The following EXOC6B variants were observed in gnomAD, a reference collection of about 807,000 sequenced individuals.
EXOC6B encodes exocyst complex component 6B.
In EXOC6B, 54 loss-of-function variants were observed where a neutral mutation model predicts 113.5. The ratio of observed to expected loss-of-function variants is 0.48; its 90% confidence interval spans 0.38 to 0.60. The LOEUF is 0.60. EXOC6B is among the 20% of genes least tolerant of loss of function. EXOC6B has a pLI of 0.00. For missense variants in EXOC6B, 797 were observed against 977.5 expected (o/e 0.82, Z 2.46); for synonymous variants, 357 against 339.0 (o/e 1.05, Z -0.58).
chr2:72,662,215 A>G (rs1675073257), intron 6 of EXOC6B, among the ~76,000 whole-genome samples: 1 of 152,200 alleles, frequency 6.6e-6, no homozygotes, highest in Non-Finnish European at 1.5e-5. Flanking sequence ...AAAATTGCTC[A>G]TAGATCCAAT....
intron 13 of EXOC6B, among the ~76,000 whole-genome samples, chr2:72,497,390 G>A (rs1314326571): frequency 6.6e-6 from 1 of 151,938 alleles, no homozygotes; most frequent in Non-Finnish European, 1.5e-5. Context: ...CTATATCAAG[G>A]ATGACTTTTT....
rs1679525426 is a variant in EXOC6B at position 72,202,073 on chromosome 2, A to C, written c.2197-17886T>G. Among the ~76,000 whole-genome samples the C allele has an allele frequency of 4.6e-5, 7 of 152,208 alleles. No homozygotes were observed. In the South Asian group the frequency reaches 1.5e-3, roughly 32 times the overall value. ...CTAATTTCTTGTGTGGCTAAGCAAT[A>C]AGGTCTTAGTCTCTGATGGCAAGGA... On this transcript the variant is annotated intron_variant, in intron 20 of 21. Coordinates refer to ENST00000272427, the MANE Select transcript of EXOC6B (RefSeq NM_015189.3).
intron 20 of EXOC6B, among the ~76,000 whole-genome samples, chr2:72,259,984 CAAGGCTGCAGTGAGCTGTG>C (rs1012623416): frequency 8.3e-4 from 126 of 152,064 alleles, no homozygotes; most frequent in African/African-American, 3.0e-3. Flanking sequence ...CCCAGAAGGT[CAAGGCTGCAGTGAGCTGTG>C]ATTGCGCCAC....
At chr2:72,207,409 A>G (rs1326908424) in intron 20 of EXOC6B, among the ~76,000 whole-genome samples, 2 of 152,220 alleles carry the variant, frequency 1.3e-5, no homozygotes, top group African/African-American at 4.8e-5. Context: ...TCTAACCTCT[A>G]TAATCCAGTC....
rs139474740 is a variant in EXOC6B at position 72,775,710 on chromosome 2, G to A, written c.114-34241C>T. On this transcript the variant is annotated intron_variant, in intron 1 of 21. Coordinates refer to ENST00000272427, the MANE Select transcript of EXOC6B (RefSeq NM_015189.3). The stretch of plus-strand genomic sequence containing the variant: ...ATTTATACAGCAATTTTGTAATGAC[G>A]GAACTTTAACAATGGAGACAGTGGT... Among the ~76,000 whole-genome samples, 27 of 152,222 alleles carry A rather than the reference G, an allele frequency of 1.8e-4. 1 individual carries two copies. Among genetic ancestry groups the A allele is most frequent in the African/African-American group, 6.0e-4 (25 of 41,554 alleles).
intron 6 of EXOC6B, among the ~76,000 whole-genome samples, chr2:72,639,023 G>C (rs1221895576): frequency 6.6e-6 from 1 of 152,190 alleles, no homozygotes; most frequent in Non-Finnish European, 1.5e-5. Flanking sequence ...CCAGGGAAGA[G>C]CTTGAGTAGG....
intron 20 of EXOC6B, among the ~76,000 whole-genome samples, chr2:72,314,388 A>T (rs1465195993): frequency 6.6e-6 from 1 of 152,210 alleles, no homozygotes; most frequent in African/African-American, 2.4e-5. Context: ...CACTGCTTGC[A>T]AACATGTTCT....
chr2:72,367,251 T>C (rs1690679651), intron 19 of EXOC6B, among the ~76,000 whole-genome samples: 1 of 152,030 alleles, frequency 6.6e-6, no homozygotes, highest in African/African-American at 2.4e-5. Context: ...AAGATGTATA[T>C]TGTAAATCCA....
At chr2:72,296,493 A>G (rs985824304) in intron 20 of EXOC6B, among the ~76,000 whole-genome samples, 1 of 152,222 alleles carries the variant, frequency 6.6e-6, no homozygotes, top group Admixed American at 6.5e-5. Flanking sequence ...TATAGCATAC[A>G]TTTAGATGGA....
chr2:72,484,334 G>A lies in EXOC6B; in HGVS notation c.1666-3584C>T, dbSNP rs542151945. Among the ~76,000 whole-genome samples the A allele has an allele frequency of 6.6e-5, 10 of 151,212 alleles. No individual in the cohort carries two copies. The South Asian group carries it at 1.0e-3, about 16-fold the overall frequency. ...AGCACTTTGGGAGGCCGAGACGGGC[G>A]GATCACGAGGTCAGGAGATCAAGAC... On this transcript the variant is annotated intron_variant, in intron 16 of 21. Coordinates refer to ENST00000272427, the MANE Select transcript of EXOC6B (RefSeq NM_015189.3).
At chr2:72,261,513 C>T (rs531688360) in intron 20 of EXOC6B, among the ~76,000 whole-genome samples, 9 of 152,224 alleles carry the variant, frequency 5.9e-5, no homozygotes, top group African/African-American at 1.9e-4. Context: ...ATTTGCTACC[C>T]AATATAAAAC....
At chr2:72,511,801 A>G (rs1328136532) in intron 11 of EXOC6B, among the ~76,000 whole-genome samples, 1 of 152,098 alleles carries the variant, frequency 6.6e-6, no homozygotes, top group Non-Finnish European at 1.5e-5. Context: ...TGAGAGGGCT[A>G]TGTTCCCTTA....
intron 20 of EXOC6B, among the ~76,000 whole-genome samples, chr2:72,214,288 C>A (rs979868727): frequency 3.9e-5 from 6 of 151,990 alleles, no homozygotes; most frequent in African/African-American, 1.5e-4. Flanking sequence ...GAGACCAAGA[C>A]CATCCTGGCT....
At chr2:72,509,814 CTTTATTTATTTCTT>C (rs1396488332) in intron 11 of EXOC6B, among the ~76,000 whole-genome samples, 5 of 151,500 alleles carry the variant, frequency 3.3e-5, no homozygotes, top group Non-Finnish European at 5.9e-5. Flanking sequence ...TTAATTTTTC[CTTTATTTATTTCTT>C]TTTATTTATT....
chr2:72,197,137 CTAT>C (rs1476652238), intron 20 of EXOC6B, among the ~76,000 whole-genome samples: 5 of 152,104 alleles, frequency 3.3e-5, no homozygotes, highest in Admixed American at 3.3e-4. Context: ...TCTTGAATAC[CTAT>C]TATGTGCCAT....
chr2:72,796,327 C>G (rs1195086911), intron 1 of EXOC6B, among the ~76,000 whole-genome samples: 1 of 151,520 alleles, frequency 6.6e-6, no homozygotes, highest in Non-Finnish European at 1.5e-5. Flanking sequence ...GTGGCGAGTG[C>G]TTGTAATCCC....
intron 6 of EXOC6B, among the ~76,000 whole-genome samples, chr2:72,659,682 A>G (rs752124538): frequency 6.6e-6 from 1 of 152,136 alleles, no homozygotes. Flanking sequence ...CAAAAAATTT[A>G]TAAATAATCA....
At chr2:72,668,082 G>T (rs953127886) in intron 6 of EXOC6B, among the ~76,000 whole-genome samples, 3 of 152,038 alleles carry the variant, frequency 2.0e-5, no homozygotes, top group African/African-American at 7.2e-5. Flanking sequence ...TCAAAAGAAG[G>T]CCTACAAGTG....
intron 6 of EXOC6B, among the ~76,000 whole-genome samples, chr2:72,665,283 G>A (rs746558908): frequency 6.6e-6 from 1 of 152,062 alleles, no homozygotes; most frequent in Non-Finnish European, 1.5e-5. Flanking sequence ...AATATTTGAA[G>A]ATATATTCCA....
Sources: gnomAD v4.1 joint callset for allele counts (sites outside exome capture counted in the v4.1 genomes callset) on GRCh38, gnomAD v4.1.1 for gene constraint, MANE v1.5 for transcripts, NCBI Gene and HGNC (gene_info 2026-07-23, HGNC 2026-07-21) for gene names.